DPYD: variants seen among roughly 807,000 people sequenced by gnomAD.
DPYD encodes the protein dihydropyrimidine dehydrogenase.
DPYD carries 109 observed loss-of-function variants against 116.2 expected under a neutral mutation model. That is an observed-to-expected ratio of 0.94 (90% confidence interval 0.80 to 1.10). DPYD has a LOEUF of 1.10. Ranked by LOEUF, DPYD falls within the 50% of genes least tolerant of loss-of-function variation. The probability of loss-of-function intolerance (pLI) is 0.00; values close to 1 mark genes in which losing one functional copy is unlikely to be tolerated. For missense variants in DPYD, 1,302 were observed against 1,254.5 expected (o/e 1.04, Z -0.57); for synonymous variants, 440 against 432.0 (o/e 1.02, Z -0.23).
At chr1:97,186,738 A>T (rs1175943088) in intron 20 of DPYD, among the ~76,000 whole-genome samples, 1 of 152,182 alleles carries the variant, frequency 6.6e-6, no homozygotes, top group Non-Finnish European at 1.5e-5. Flanking sequence ...AATCCCAGCT[A>T]CTGGGGAGGC....
intron 14 of DPYD, among the ~76,000 whole-genome samples, chr1:97,417,964 T>A (rs149668326): frequency 8.1e-4 from 123 of 152,290 alleles, no homozygotes; most frequent in African/African-American, 2.8e-3. Context: ...GTTGCCTTAA[T>A]AAAAAGATCC....
In DPYD at chr1:97,391,083, T is replaced by G. The variant is rs528565175; in HGVS notation, c.1906-8622A>C. ...TTTTTTTTGGTGTTCTTTTTCTACC[T>G]CTGTCAATTTCTCACATGTTGATGC... On this transcript the variant is annotated intron_variant, in intron 14 of 22. Coordinates refer to ENST00000370192, the MANE Select transcript of DPYD (RefSeq NM_000110.4). 4.8e-5 allele frequency among the ~76,000 whole-genome samples: 7 copies of G among 147,300 alleles called. No homozygotes were observed. In the South Asian group the frequency reaches 1.5e-3, roughly 32 times the overall value.
chr1:97,392,114 C>G (rs562078371), intron 14 of DPYD, among the ~76,000 whole-genome samples: 7 of 151,962 alleles, frequency 4.6e-5, no homozygotes, highest in Non-Finnish European at 8.8e-5. Context: ...AGGTATACCT[C>G]GAAGATATTG....
intron 3 of DPYD, among the ~76,000 whole-genome samples, chr1:97,801,418 C>G (rs984912084): frequency 6.6e-6 from 1 of 151,876 alleles, no homozygotes; most frequent in Non-Finnish European, 1.5e-5. Context: ...CAAATGGATA[C>G]AGCTTATGTC....
intron 20 of DPYD, among the ~76,000 whole-genome samples, chr1:97,173,342 A>G (rs1428179044): frequency 6.6e-6 from 1 of 150,570 alleles, no homozygotes; most frequent in African/African-American, 2.4e-5. Context: ...ATGTGTATAT[A>G]TGCACACATA....
intron 3 of DPYD, among the ~76,000 whole-genome samples, chr1:97,787,385 G>T (rs372172686): frequency 2.6e-5 from 4 of 152,186 alleles, no homozygotes; most frequent in African/African-American, 9.7e-5. Context: ...TATCACAACT[G>T]CTGGCTTAAA....
chr1:97,323,631 ATATACATATAT>A (rs1668534339), intron 16 of DPYD, among the ~76,000 whole-genome samples: 1 of 61,356 alleles, frequency 1.6e-5, no homozygotes, highest in Non-Finnish European at 3.9e-5. Flanking sequence ...TACATATCAT[ATATACATATAT>A]GTGTATATAT....
intron 18 of DPYD, among the ~76,000 whole-genome samples, chr1:97,303,019 A>G (rs1163852518): frequency 6.6e-6 from 1 of 151,958 alleles, no homozygotes; most frequent in Non-Finnish European, 1.5e-5. Flanking sequence ...CTCTAGAAGA[A>G]CATTCCTGAA....
At chr1:97,323,284 A>ATACATATGTGTATATGTACACGTATG (rs1558029440) in intron 16 of DPYD, among the ~76,000 whole-genome samples, 8 of 145,350 alleles carry the variant, frequency 5.5e-5, no homozygotes, top group African/African-American at 1.9e-4. Flanking sequence ...GTACACGTAT[A>ATACATATGTGTATATGTACACGTATG]TATACATATG....
chr1:97,506,941 A>G (rs1647380225), intron 13 of DPYD, among the ~76,000 whole-genome samples: 1 of 152,044 alleles, frequency 6.6e-6, no homozygotes, highest in African/African-American at 2.4e-5. Flanking sequence ...TTAAGGATAG[A>G]CAGTGGTGTA....
chr1:97,102,459 T>TTATCTATCTATCTATC (rs1236741247), intron 20 of DPYD, among the ~76,000 whole-genome samples: 8,975 of 124,968 alleles, frequency 0.072, 397 homozygotes, highest in Non-Finnish European at 0.084. Context: ...CTGAAATCTA[T>TTATCTATCTATCTATC]TATCTATCTA....
chr1:97,112,092 G>A (rs1651639427), intron 20 of DPYD, among the ~76,000 whole-genome samples: 1 of 152,018 alleles, frequency 6.6e-6, no homozygotes, highest in South Asian at 2.1e-4. Flanking sequence ...TTCTAGCAAT[G>A]TCTCATAGCT....
intron 1 of DPYD, among the ~76,000 whole-genome samples, chr1:97,891,804 G>T (rs1476565316): frequency 6.6e-6 from 1 of 151,784 alleles, no homozygotes; most frequent in Non-Finnish European, 1.5e-5. Flanking sequence ...ATGTGGTATT[G>T]TTTTATATCA....
At chr1:97,917,298 C>T (rs1023038624) in intron 1 of DPYD, among the ~76,000 whole-genome samples, 1 of 152,108 alleles carries the variant, frequency 6.6e-6, no homozygotes, top group Non-Finnish European at 1.5e-5. Flanking sequence ...ATTCTCCTTC[C>T]TCCCCAGCAG....
chr1:97,395,996 G>A (rs1672986476), intron 14 of DPYD, among the ~76,000 whole-genome samples: 1 of 152,006 alleles, frequency 6.6e-6, no homozygotes, highest in African/African-American at 2.4e-5. Context: ...GCCCAGTTAA[G>A]CAAATTGCTA....
chr1:97,173,464 TAC>T (rs1039018428), intron 20 of DPYD, among the ~76,000 whole-genome samples: 3 of 130,406 alleles, frequency 2.3e-5, no homozygotes, highest in Admixed American at 7.4e-5. Flanking sequence ...AGTATATATA[TAC>T]ACACATAATG....
intron 13 of DPYD, among the ~76,000 whole-genome samples, chr1:97,455,355 GTTT>G (rs572885692): frequency 3.8e-4 from 58 of 151,878 alleles, no homozygotes; most frequent in African/African-American, 1.2e-3. Context: ...CATTTGTTTT[GTTT>G]TCTTAACTTC....
At chr1:97,529,792 TTTTC>T (rs1375163491) in intron 12 of DPYD, among the ~76,000 whole-genome samples, 21 of 150,980 alleles carry the variant, frequency 1.4e-4, no homozygotes, top group African/African-American at 4.7e-4. Flanking sequence ...TCTTTTTCTT[TTTTC>T]CCTTTTTCTT....
chr1:97,786,202 A>G lies in DPYD; in HGVS notation c.233+41912T>C, dbSNP rs112882549. ...GAACAAGGGCAACTTTTAGAAAAGC[A>G]TTCCTTTCTCTTTTACATGTTTATT... On this transcript the variant is annotated intron_variant, in intron 3 of 22. Coordinates refer to ENST00000370192, the MANE Select transcript of DPYD (RefSeq NM_000110.4). Among the ~76,000 whole-genome samples the G allele has an allele frequency of 7.6e-3, 1,158 of 152,254 alleles. 12 individuals carry two copies. The highest frequency in any genetic ancestry group is 0.026 in the African/African-American group (1,087 of 41,542).
Sources: gnomAD v4.1 joint callset for allele counts (sites outside exome capture counted in the v4.1 genomes callset) on GRCh38, gnomAD v4.1.1 for gene constraint, MANE v1.5 for transcripts, NCBI Gene and HGNC (gene_info 2026-07-23, HGNC 2026-07-21) for gene names.